The following GRID2 variants were observed in gnomAD, a reference collection of about 807,000 sequenced individuals.
GRID2 encodes glutamate receptor ionotropic, delta-2.
Under a neutral mutation model 114.8 loss-of-function variants are expected in GRID2, and 33 were observed. The observed-to-expected ratio is 0.29, with a 90% CI of 0.22 to 0.38. The LOEUF (loss-of-function observed/expected upper bound fraction) is 0.38, where lower values mean the gene tolerates loss of function less well. Among genes scored for constraint, GRID2 ranks in the 10% least tolerant of loss-of-function variants. The probability of loss-of-function intolerance (pLI) is 1.00; values close to 1 mark genes in which losing one functional copy is unlikely to be tolerated. For synonymous variants in GRID2, 505 were observed against 449.9 expected (o/e 1.12, Z -1.55); for missense variants, 1,184 against 1,257.7 (o/e 0.94, Z 0.89).
chr4:93,310,516 C>G (rs528224505), intron 8 of GRID2, among the ~76,000 whole-genome samples: 2 of 152,026 alleles, frequency 1.3e-5, no homozygotes, highest in South Asian at 4.1e-4. Context: ...GGGCGCAGAA[C>G]GAGACTCCAT....
chr4:93,634,224 A>G (rs893314992), intron 14 of GRID2, among the ~76,000 whole-genome samples: 1 of 152,178 alleles, frequency 6.6e-6, no homozygotes, highest in Non-Finnish European at 1.5e-5. Flanking sequence ...AATGGTTACT[A>G]GACTTGAGCA....
chr4:92,766,297 G>A (rs914937232), intron 2 of GRID2, among the ~76,000 whole-genome samples: 7 of 152,102 alleles, frequency 4.6e-5, no homozygotes, highest in African/African-American at 1.7e-4. Flanking sequence ...CCAGCACTTT[G>A]GGAGGCCGAG....
At chr4:92,649,319 CGAGGCAA>C (rs1731810911) in intron 2 of GRID2, among the ~76,000 whole-genome samples, 1 of 148,532 alleles carries the variant, frequency 6.7e-6, no homozygotes, top group African/African-American at 2.5e-5. Context: ...GAGAACCAGA[CGAGGCAA>C]TGTTGTAACT....
chr4:93,740,840 G>A (rs1731301356), intron 14 of GRID2, among the ~76,000 whole-genome samples: 1 of 151,000 alleles, frequency 6.6e-6, no homozygotes, highest in Non-Finnish European at 1.5e-5. Flanking sequence ...AAATTTCAAT[G>A]GCCTGAATTC....
chr4:93,002,483 C>T (rs1721100013), intron 2 of GRID2, among the ~76,000 whole-genome samples: 1 of 150,848 alleles, frequency 6.6e-6, no homozygotes, highest in African/African-American at 2.4e-5. Context: ...ATTGTTGACA[C>T]TAAATATTTA....
chr4:92,489,027 T>C (rs1723027488), intron 1 of GRID2, among the ~76,000 whole-genome samples: 1 of 152,202 alleles, frequency 6.6e-6, no homozygotes, highest in Non-Finnish European at 1.5e-5. Flanking sequence ...GTGATGATTA[T>C]ATTAGACAAT....
chr4:93,373,377 G>C (rs546819887), intron 8 of GRID2, among the ~76,000 whole-genome samples: 77 of 151,818 alleles, frequency 5.1e-4, no homozygotes, highest in Non-Finnish European at 8.7e-4. Flanking sequence ...AAGGTAATGT[G>C]ATTTACCAAT....
intron 2 of GRID2, among the ~76,000 whole-genome samples, chr4:93,084,125 C>T (rs6852513): frequency 0.4 from 60,763 of 151,588 alleles, 12,867 homozygotes; most frequent in Admixed American, 0.56. Flanking sequence ...GATTTTTGAA[C>T]TTATTTTTAA....
At chr4:92,751,421 A>C (rs1737450491) in intron 2 of GRID2, among the ~76,000 whole-genome samples, 1 of 152,200 alleles carries the variant, frequency 6.6e-6, no homozygotes, top group Non-Finnish European at 1.5e-5. Flanking sequence ...CTAAATATAC[A>C]TCAAAATAAT....
intron 2 of GRID2, among the ~76,000 whole-genome samples, chr4:92,805,971 C>A (rs1740390986): frequency 1.3e-5 from 2 of 151,712 alleles, no homozygotes; most frequent in Admixed American, 6.6e-5. Flanking sequence ...TGGCACTACA[C>A]AATCATATTT....
At chr4:93,763,672 A>C (rs1373114387) in intron 14 of GRID2, among the ~76,000 whole-genome samples, 2 of 152,324 alleles carry the variant, frequency 1.3e-5, no homozygotes, top group East Asian at 3.9e-4. Flanking sequence ...CAACTTAAAA[A>C]GTCATTTAAA....
intron 13 of GRID2, among the ~76,000 whole-genome samples, chr4:93,592,359 G>A (rs1738453457): frequency 1.3e-5 from 2 of 152,160 alleles, no homozygotes; most frequent in Admixed American, 6.5e-5. Flanking sequence ...CCATGTAGAT[G>A]AGCGATTTTG....
chr4:93,755,393 A>G (rs1056236244), intron 14 of GRID2, among the ~76,000 whole-genome samples: 3 of 152,182 alleles, frequency 2.0e-5, no homozygotes, highest in Non-Finnish European at 4.4e-5. Flanking sequence ...TCCTTTCTGC[A>G]CGGAATTAGA....
rs1462805405 is a variant in GRID2, at chr4:93,524,847, A to ATG, written c.2193+9437_2193+9438insGT. ...TGTATATATATATATATATATATAT[A>ATG]TATGTATACAAATTCTGTGAATTAT... On this transcript the variant is annotated intron_variant, in intron 13 of 15. Coordinates refer to ENST00000282020, the MANE Select transcript of GRID2 (RefSeq NM_001510.4). 4.6e-4 allele frequency among the ~76,000 whole-genome samples: 56 copies of ATG among 122,292 alleles called. No homozygotes were observed. The South Asian group carries it at 0.015, about 33-fold the overall frequency. The allele number at this position is 122,292 out of a possible 152,430, so 80.2% of individuals were successfully genotyped here.
rs188500324 is a variant in GRID2, at chr4:93,193,138, T to G, written c.736-14266T>G. On this transcript the variant is annotated intron_variant, in intron 4 of 15. Transcript: ENST00000282020. ...TAATAATTCTATCATCAAGTCATCT[T>G]GGAAGGAAAGCTTTTAAAGCCAGTC... 3.0e-3 allele frequency among the ~76,000 whole-genome samples: 456 copies of G among 152,272 alleles called. 5 individuals carry two copies. The highest frequency in any genetic ancestry group is 0.028 in the South Asian group (136 of 4,820).
chr4:93,759,309 A>G (rs1266570385), intron 14 of GRID2, among the ~76,000 whole-genome samples: 1 of 152,206 alleles, frequency 6.6e-6, no homozygotes, highest in Non-Finnish European at 1.5e-5. Flanking sequence ...TAACCTAGAG[A>G]GATCAATTTG....
intron 4 of GRID2, among the ~76,000 whole-genome samples, chr4:93,184,605 C>A (rs888212461): frequency 6.6e-6 from 1 of 151,778 alleles, no homozygotes; most frequent in Non-Finnish European, 1.5e-5. Context: ...GGTCTCTGGC[C>A]GGGTGCAGTG....
chr4:92,639,139 T>G (rs535840925), intron 2 of GRID2, among the ~76,000 whole-genome samples: 18 of 151,772 alleles, frequency 1.2e-4, no homozygotes, highest in African/African-American at 4.3e-4. Flanking sequence ...TAATTTGTGC[T>G]CTCTAGAAAG....
chr4:92,942,557 TA>T (rs1208389504), intron 2 of GRID2, among the ~76,000 whole-genome samples: 1 of 152,224 alleles, frequency 6.6e-6, no homozygotes, highest in African/African-American at 2.4e-5. Flanking sequence ...TTGGAGCATT[TA>T]TCCCATTTAC....
Sources: gnomAD v4.1 joint callset for allele counts (sites outside exome capture counted in the v4.1 genomes callset) on GRCh38, gnomAD v4.1.1 for gene constraint, MANE v1.5 for transcripts, NCBI Gene and HGNC (gene_info 2026-07-23, HGNC 2026-07-21) for gene names.